Variants in NALCN observed in about 807,000 individuals in gnomAD.
NALCN encodes sodium leak channel NALCN.
Under a neutral mutation model 225.3 loss-of-function variants are expected in NALCN, and 111 were observed. The ratio of observed to expected loss-of-function variants is 0.49; its 90% confidence interval spans 0.42 to 0.58. The LOEUF (loss-of-function observed/expected upper bound fraction) is 0.58, where lower values mean the gene tolerates loss of function less well. Among genes scored for constraint, NALCN ranks in the 20% least tolerant of loss-of-function variants. The probability of loss-of-function intolerance (pLI) is 0.00; values close to 1 mark genes in which losing one functional copy is unlikely to be tolerated. For missense variants in NALCN, 1,378 were observed against 2,202.4 expected, an observed-to-expected ratio of 0.63 and a Z score of 7.49; for synonymous variants, 764 against 769.0, an observed-to-expected ratio of 0.99 and a Z score of 0.11.
chr13:101,345,288 G>C lies in NALCN; in HGVS notation c.777C>G (p.Gly259=). Residue 259 remains glycine (G), a synonymous_variant, in exon 7 of 44, where the codon GGC becomes GGG. Coordinates refer to ENST00000251127, the MANE Select transcript of NALCN (RefSeq NM_052867.4). ...EDLGLSRQEL[G]YSGFNEIGTS... ...GACCTATCTCATTAAAGCCACTGTAGCCCAGCTCTTGCCTGCTAAGTCCCA... is the reference window on the plus strand; with the variant it reads ...GACCTATCTCATTAAAGCCACTGTACCCCAGCTCTTGCCTGCTAAGTCCCA... 6 of 1,613,606 alleles carry C rather than the reference G, an allele frequency of 3.7e-6. No homozygotes were observed. The highest frequency in any genetic ancestry group is 5.1e-6 in the Non-Finnish European group (6 of 1,179,708).
intron 14 of NALCN, among the ~76,000 whole-genome samples, chr13:101,187,315 C>T (rs981906483): frequency 3.9e-5 from 6 of 152,108 alleles, no homozygotes; most frequent in Non-Finnish European, 5.9e-5. Context: ...GGGTTCTGTA[C>T]TATCCATGGT....
At chr13:101,343,013 T>A (rs1382390303) in intron 7 of NALCN, among the ~76,000 whole-genome samples, 2 of 152,174 alleles carry the variant, frequency 1.3e-5, no homozygotes, top group Non-Finnish European at 2.9e-5. Flanking sequence ...TACTTACATA[T>A]TCAAGTATAT....
At chr13:101,101,281 CTT>C (rs60948311) in intron 26 of NALCN, among the ~76,000 whole-genome samples, 1 of 112,364 alleles carries the variant, frequency 8.9e-6, no homozygotes, top group Non-Finnish European at 1.7e-5. Context: ...ATTTTTTTTT[CTT>C]TTTTTTTTTT....
chr13:101,105,002 C>T (rs2035023186), intron 22 of NALCN, 52 bp from the exon 23 acceptor site: 1 of 1,524,422 alleles, frequency 6.6e-7, no homozygotes, highest in East Asian at 2.3e-5. Flanking sequence ...CATGTTTTAA[C>T]TTGCTAAAAA....
chr13:101,255,683 G>GAACT (rs2042207998), intron 11 of NALCN, among the ~76,000 whole-genome samples: 1 of 152,036 alleles, frequency 6.6e-6, no homozygotes, highest in Admixed American at 6.6e-5. Flanking sequence ...TCAGAGCCTT[G>GAACT]AACTAATCTT....
chr13:101,098,788 C>T (rs1317008911), intron 27 of NALCN, among the ~76,000 whole-genome samples: 1 of 151,992 alleles, frequency 6.6e-6, no homozygotes, highest in Non-Finnish European at 1.5e-5. Context: ...GCCTCGGCCT[C>T]GGCCTCTTAT....
At chr13:101,202,218 T>C (rs1177304469) in intron 13 of NALCN, among the ~76,000 whole-genome samples, 2 of 152,216 alleles carry the variant, frequency 1.3e-5, no homozygotes, top group African/African-American at 4.8e-5. Context: ...CAGTAAATGC[T>C]GGTCGTACCT....
intron 14 of NALCN, among the ~76,000 whole-genome samples, chr13:101,179,628 GA>G: frequency 6.6e-6 from 1 of 152,238 alleles, no homozygotes; most frequent in South Asian, 2.1e-4. Context: ...CCCATCAGGG[GA>G]ACTGATGAGG....
intron 14 of NALCN, among the ~76,000 whole-genome samples, chr13:101,188,381 C>A (rs976475916): frequency 2.0e-5 from 3 of 151,894 alleles, no homozygotes; most frequent in African/African-American, 7.3e-5. Flanking sequence ...ATAACTTGGC[C>A]CCAGCATGGA....
intron 43 of NALCN, among the ~76,000 whole-genome samples, chr13:101,055,700 T>TG (rs1171815079): frequency 6.6e-6 from 1 of 152,066 alleles, no homozygotes; most frequent in African/African-American, 2.4e-5. Context: ...TGATGTCATT[T>TG]GGGAAAAAAA....
intron 25 of NALCN, among the ~76,000 whole-genome samples, chr13:101,103,769 C>A (rs992185661): frequency 1.3e-5 from 2 of 152,110 alleles, no homozygotes; most frequent in South Asian, 4.1e-4. Flanking sequence ...CTTGGACATA[C>A]AGGAAAAATA....
At chr13:101,240,359 C>A (rs553713374) in intron 11 of NALCN, among the ~76,000 whole-genome samples, 1 of 151,698 alleles carries the variant, frequency 6.6e-6, no homozygotes, top group South Asian at 2.1e-4. Flanking sequence ...CTCTCTCTAT[C>A]TATCTATGTA....
chr13:101,132,556 G>A (rs1417774805), intron 17 of NALCN, among the ~76,000 whole-genome samples: 2 of 152,034 alleles, frequency 1.3e-5, no homozygotes, highest in Non-Finnish European at 1.5e-5. Context: ...GATCTGTGCT[G>A]AGGTGATATA....
rs142301327 is a variant in NALCN at position 101,145,089 on chromosome 13, GA to G, written c.1840-194del. On this transcript the variant is annotated intron_variant, in intron 15 of 43. Transcript: ENST00000251127. The stretch of plus-strand genomic sequence containing the variant: ...ATGAGCTAAAACTTTTGAGTTAACA[GA>G]AAAAACAAAAACAAAACTTAACAAC... Among the ~76,000 whole-genome samples, 5,560 of 152,028 alleles carry G rather than the reference GA, an allele frequency of 0.037. 342 individuals carry two copies. Among genetic ancestry groups the G allele is most frequent in the African/African-American group, 0.13 (5,216 of 41,460 alleles).
chr13:101,339,014 T>G (rs929421573), intron 7 of NALCN, among the ~76,000 whole-genome samples: 2 of 152,238 alleles, frequency 1.3e-5, no homozygotes, highest in African/African-American at 4.8e-5. Context: ...TGTAATTTCA[T>G]TTCCAGTGTT....
At chr13:101,057,797 G>T in intron 43 of NALCN, 142 bp downstream of exon 43, 1 of 736,460 alleles carries the variant, frequency 1.4e-6, no homozygotes, top group East Asian at 2.5e-5. Flanking sequence ...TTTTTGACAA[G>T]ACTACATTTT....
At chr13:101,211,623 T>A (rs1041696953) in intron 13 of NALCN, among the ~76,000 whole-genome samples, 1 of 145,720 alleles carries the variant, frequency 6.9e-6, no homozygotes, top group Non-Finnish European at 1.5e-5. Flanking sequence ...TACAGTTTTT[T>A]TTGGGGGGGG....
At chr13:101,368,052 T>C (rs1341734300) in intron 6 of NALCN, among the ~76,000 whole-genome samples, 1 of 151,790 alleles carries the variant, frequency 6.6e-6, no homozygotes, top group Non-Finnish European at 1.5e-5. Flanking sequence ...GTGCACAATG[T>C]GCAGGTTAGT....
At chr13:101,200,142 C>A (rs1327454800) in intron 13 of NALCN, among the ~76,000 whole-genome samples, 1 of 152,100 alleles carries the variant, frequency 6.6e-6, no homozygotes, top group East Asian at 1.9e-4. Flanking sequence ...CACATTTTTA[C>A]TTGGACAGAT....
Sources: gnomAD v4.1 joint callset for allele counts (sites outside exome capture counted in the v4.1 genomes callset) on GRCh38, gnomAD v4.1.1 for gene constraint, MANE v1.5 for transcripts, NCBI Gene and HGNC (gene_info 2026-07-23, HGNC 2026-07-21) for gene names.